The following GPRIN3 variants were observed in gnomAD, a reference collection of about 807,000 sequenced individuals.
GPRIN3 encodes the protein GPRIN family member 3, also known as G protein-regulated inducer of neurite outgrowth 3.
Under a neutral mutation model 13.7 loss-of-function variants are expected in GPRIN3, and 12 were observed. The observed-to-expected ratio is 0.87, with a 90% confidence interval of 0.56 to 1.42. GPRIN3 has a LOEUF of 1.42. GPRIN3 is among the 40% of genes most tolerant of loss of function. The pLI is 0.00. For synonymous variants in GPRIN3, 377 were observed against 372.7 expected (o/e 1.01, Z -0.13); for missense variants, 1,009 against 958.7 (o/e 1.05, Z -0.69).
intron 1 of GPRIN3, among the ~76,000 whole-genome samples, chr4:89,269,132 G>C (rs1723858889): frequency 6.6e-6 from 1 of 152,094 alleles, no homozygotes; most frequent in African/African-American, 2.4e-5. Flanking sequence ...GTATCTTGAG[G>C]AAAAATTTTC....
At chr4:89,294,189 C>T (rs1010116157) in intron 1 of GPRIN3, among the ~76,000 whole-genome samples, 7 of 152,142 alleles carry the variant, frequency 4.6e-5, no homozygotes, top group African/African-American at 1.2e-4. Flanking sequence ...GCTGCTTCTT[C>T]GAAATTTGTT....
chr4:89,255,398 A>C (rs772298328), intron 1 of GPRIN3, among the ~76,000 whole-genome samples: 1 of 152,238 alleles, frequency 6.6e-6, no homozygotes, highest in Non-Finnish European at 1.5e-5. Context: ...TTGGTATTTA[A>C]GCTTTTATCT....
At chr4:89,271,056 T>C (rs537919657) in intron 1 of GPRIN3, among the ~76,000 whole-genome samples, 2 of 152,250 alleles carry the variant, frequency 1.3e-5, no homozygotes, top group East Asian at 3.9e-4. Context: ...CTGAAGAGTA[T>C]ACACCCCAGA....
At chr4:89,283,601 C>T (rs1724317759) in intron 1 of GPRIN3, among the ~76,000 whole-genome samples, 1 of 152,048 alleles carries the variant, frequency 6.6e-6, no homozygotes, top group South Asian at 2.1e-4. Flanking sequence ...TAATGGTGAG[C>T]CCTTTGGTAG....
At chr4:89,297,347 T>G (rs528609588) in intron 1 of GPRIN3, among the ~76,000 whole-genome samples, 8 of 152,190 alleles carry the variant, frequency 5.3e-5, no homozygotes, top group Non-Finnish European at 1.0e-4. Context: ...GGTTCTCTTA[T>G]GCTCTAGAAT....
Position 89,247,765 on chromosome 4 carries a change from C to G in GPRIN3, c.*15G>C, listed in dbSNP as rs772279981. ...TACCGTAAATTTATACACAAACTCC[C>G]ATAAATACTCCCTTTCAATCTAACA... On this transcript the variant is annotated 3_prime_UTR_variant, in exon 2 of 2. Coordinates refer to ENST00000609438, the MANE Select transcript of GPRIN3 (RefSeq NM_198281.3). 18 of 1,588,964 alleles carry G rather than the reference C, an allele frequency of 1.1e-5. No individual in the cohort carries two copies. Among genetic ancestry groups the G allele is most frequent in the Non-Finnish European group, 1.5e-5 (17 of 1,165,544 alleles).
At chr4:89,307,539 C>A (rs552337974) in intron 1 of GPRIN3, 76 bp downstream of exon 1, 1 of 152,414 alleles carries the variant, frequency 6.6e-6, no homozygotes, top group South Asian at 2.1e-4. Flanking sequence ...CCTTCCGCAT[C>A]CCTACAGAGC....
chr4:89,287,202 C>T (rs955515760), intron 1 of GPRIN3, among the ~76,000 whole-genome samples: 1 of 151,998 alleles, frequency 6.6e-6, no homozygotes, highest in Admixed American at 6.6e-5. Flanking sequence ...GGAAGATACA[C>T]CATGAAAAAT....
chr4:89,289,614 C>G (rs988197087), intron 1 of GPRIN3, among the ~76,000 whole-genome samples: 1 of 152,102 alleles, frequency 6.6e-6, no homozygotes, highest in Non-Finnish European at 1.5e-5. Context: ...GTTTCAGAAA[C>G]GTATGAGTTT....
At chr4:89,254,127 G>GT (rs1196301240) in intron 1 of GPRIN3, among the ~76,000 whole-genome samples, 9 of 142,312 alleles carry the variant, frequency 6.3e-5, no homozygotes, top group South Asian at 4.9e-4. Flanking sequence ...TGTTGCATCT[G>GT]GGTGTGTGTG....
chr4:89,250,222 T>C lies in GPRIN3; in HGVS notation c.-112A>G, dbSNP rs1208370035. 8 of 1,504,390 alleles carry C rather than the reference T, an allele frequency of 5.3e-6. No individual in the cohort carries two copies. In the East Asian group the frequency reaches 1.8e-4, roughly 34 times the overall value. 93.2% of individuals were successfully genotyped at this position (1,504,390 alleles called of 1,614,324 possible). ...ATGACACAGTCAGGGATGATTCCTC[T>C]GAAGAACCAGCCTGTGAATCAAGGA... On this transcript the variant is annotated 5_prime_UTR_variant, in exon 2 of 2. Coordinates refer to ENST00000609438, the MANE Select transcript of GPRIN3 (RefSeq NM_198281.3).
chr4:89,257,707 T>C (rs1723506678), intron 1 of GPRIN3, among the ~76,000 whole-genome samples: 1 of 152,140 alleles, frequency 6.6e-6, no homozygotes, highest in Non-Finnish European at 1.5e-5. Flanking sequence ...TAATTTTTAT[T>C]TTTTGTGGAG....
In GPRIN3 at chr4:89,240,374, C is replaced by T. The variant is rs910926933; in HGVS notation, c.*7406G>A. On this transcript the variant is annotated 3_prime_UTR_variant, in exon 2 of 2. Transcript: ENST00000609438. Reference sequence around the variant, plus strand: ...AATTTTTTTTCATTTAAATCTTTGACTTCTCTTCGGTGTTGGTAGGCATAG... The same window carrying T: ...AATTTTTTTTCATTTAAATCTTTGATTTCTCTTCGGTGTTGGTAGGCATAG... 1.3e-5 allele frequency: 2 copies of T among 152,098 alleles called. No homozygotes were observed. Among genetic ancestry groups the T allele is most frequent in the Non-Finnish European group, 2.9e-5 (2 of 68,012 alleles). The allele number at this position is 152,098 out of a possible 1,614,324, so 9.4% of individuals were successfully genotyped here.
chr4:89,290,458 G>A (rs1001044202), intron 1 of GPRIN3, among the ~76,000 whole-genome samples: 1 of 152,080 alleles, frequency 6.6e-6, no homozygotes, highest in African/African-American at 2.4e-5. Context: ...AAAAGTGGGT[G>A]AATAAGGCAG....
In GPRIN3 at chr4:89,236,588, T is replaced by A. The variant is rs541157185; in HGVS notation, c.*11192A>T. The A allele has an allele frequency of 2.6e-5, 4 of 152,248 alleles. No homozygotes were observed. The South Asian group carries it at 8.3e-4, about 32-fold the overall frequency. 9.4% of individuals were successfully genotyped at this position (152,248 alleles called of 1,614,324 possible). On this transcript the variant is annotated 3_prime_UTR_variant, in exon 2 of 2. Coordinates refer to ENST00000609438, the MANE Select transcript of GPRIN3 (RefSeq NM_198281.3). ...TTGTTATTCTCAGTTTCCAGATGAA[T>A]GCACTGAAATAATTTGGATATTTAT...
intron 1 of GPRIN3, among the ~76,000 whole-genome samples, chr4:89,273,414 G>A (rs1724012553): frequency 6.6e-6 from 1 of 152,196 alleles, no homozygotes; most frequent in Non-Finnish European, 1.5e-5. Context: ...GGGCGCAGTG[G>A]CTCAGATCTG....
chr4:89,268,290 A>T (rs1188486561), intron 1 of GPRIN3, among the ~76,000 whole-genome samples: 1 of 152,238 alleles, frequency 6.6e-6, no homozygotes, highest in Non-Finnish European at 1.5e-5. Flanking sequence ...CAAAGAGAAA[A>T]GAGATATGGA....
At chr4:89,269,785 TCTTGCTATGTGG>T (rs1016287671) in intron 1 of GPRIN3, among the ~76,000 whole-genome samples, 1 of 152,174 alleles carries the variant, frequency 6.6e-6, no homozygotes, top group African/African-American at 2.4e-5. Flanking sequence ...TAATCCAATC[TCTTGCTATGTGG>T]TTTGAGCACA....
Position 89,266,132 on chromosome 4 carries a change from A to G in GPRIN3, c.-123-15899T>C, listed in dbSNP as rs538189080. Among the ~76,000 whole-genome samples the G allele has an allele frequency of 1.5e-4, 23 of 152,332 alleles. No individual in the cohort carries two copies. The South Asian group carries it at 4.6e-3, about 30-fold the overall frequency. On this transcript the variant is annotated intron_variant, in intron 1 of 1. Transcript: ENST00000609438. ...GATTAAGAACATCACAAATATCTAT[A>G]CCCTTTGAGCCAGTGATTCTACCCC...
Sources: gnomAD v4.1 joint callset for allele counts (sites outside exome capture counted in the v4.1 genomes callset) on GRCh38, gnomAD v4.1.1 for gene constraint, MANE v1.5 for transcripts, NCBI Gene and HGNC (gene_info 2026-07-23, HGNC 2026-07-21) for gene names.